BTBD7: variants seen among roughly 807,000 people sequenced by gnomAD.
BTBD7 encodes BTB/POZ domain-containing protein 7.
Under a neutral mutation model 99.9 loss-of-function variants are expected in BTBD7, and 38 were observed. That is an observed-to-expected ratio of 0.38 (90% CI 0.29 to 0.50). The LOEUF (loss-of-function observed/expected upper bound fraction) is 0.50, where lower values mean the gene tolerates loss of function less well. Ranked by LOEUF, BTBD7 falls within the 20% of genes least tolerant of loss-of-function variation. The probability of loss-of-function intolerance (pLI) is 0.93; values close to 1 mark genes in which losing one functional copy is unlikely to be tolerated. For synonymous variants in BTBD7, 520 were observed against 511.4 expected, an observed-to-expected ratio of 1.02 and a Z score of -0.23; for missense variants, 1,170 against 1,394.6, an observed-to-expected ratio of 0.84 and a Z score of 2.57.
chr14:93,255,486 T>C (rs1277824403), intron 6 of BTBD7: 1 of 152,068 alleles, frequency 6.6e-6, no homozygotes, highest in African/African-American at 2.4e-5. Flanking sequence ...TACATAAAAA[T>C]ACATACTTTG....
intron 1 of BTBD7, among the ~76,000 whole-genome samples, chr14:93,320,714 C>T (rs1566865645): frequency 6.6e-6 from 1 of 152,064 alleles, no homozygotes; most frequent in Non-Finnish European, 1.5e-5. Context: ...CATCATTATC[C>T]ACCATGTGAC....
intron 1 of BTBD7, among the ~76,000 whole-genome samples, chr14:93,305,880 T>C (rs772068856): frequency 1.3e-5 from 2 of 152,184 alleles, no homozygotes; most frequent in Non-Finnish European, 2.9e-5. Context: ...GGGCACCACA[T>C]AGCAAGAGGG....
intron 3 of BTBD7, 93 bp from the exon 4 acceptor site, chr14:93,264,086 G>C: frequency 8.8e-7 from 1 of 1,131,756 alleles, no homozygotes; most frequent in Non-Finnish European, 1.3e-6. Context: ...AGTCACAATA[G>C]CAAAAAAGAA....
chr14:93,288,260 A>G (rs2052804622), intron 3 of BTBD7: 2 of 497,872 alleles, frequency 4.0e-6, no homozygotes, highest in Non-Finnish European at 7.0e-6. Flanking sequence ...TCTCTGGTAT[A>G]TATTTCTAAA....
chr14:93,270,420 G>A (rs933862365), intron 3 of BTBD7, among the ~76,000 whole-genome samples: 4 of 152,058 alleles, frequency 2.6e-5, no homozygotes, highest in South Asian at 2.1e-4. Context: ...ACAGCCAAGC[G>A]TGGTGGTGGG....
chr14:93,277,902 A>C (rs1272089728), intron 3 of BTBD7, among the ~76,000 whole-genome samples: 1 of 152,252 alleles, frequency 6.6e-6, no homozygotes, highest in African/African-American at 2.4e-5. Context: ...TCACAGGTTT[A>C]TCAAAATGTT....
chr14:93,242,598 ATCG>A lies in BTBD7; in HGVS notation c.3071_3073del (p.Pro1024_Ile1025delinsLeu). On this transcript the variant is annotated inframe_deletion, in exon 11 of 11. Coordinates refer to ENST00000334746, the MANE Select transcript of BTBD7 (RefSeq NM_001002860.4). ...AGGTTGCTCAACGACATCCAGGTGTATCGGCTCATTCTTTTGTCTGTGTAGATG... is the reference window on the plus strand; with the variant it reads ...AGGTTGCTCAACGACATCCAGGTGTAGCTCATTCTTTTGTCTGTGTAGATG... 1.9e-6 allele frequency: 3 copies of A among 1,614,248 alleles called. No homozygotes were observed. Among genetic ancestry groups the A allele is most frequent in the Non-Finnish European group, 2.5e-6 (3 of 1,180,040 alleles).
At chr14:93,291,786 C>T (rs1239696691) in intron 3 of BTBD7, among the ~76,000 whole-genome samples, 2 of 44,930 alleles carry the variant, frequency 4.5e-5, no homozygotes, top group African/African-American at 3.7e-4. Flanking sequence ...TTTAGCTAAA[C>T]ACTAAAAAAA....
chr14:93,321,110 A>G (rs958145931), intron 1 of BTBD7, among the ~76,000 whole-genome samples: 4 of 152,218 alleles, frequency 2.6e-5, no homozygotes, highest in Admixed American at 2.0e-4. Context: ...ACTTTGTATA[A>G]TAAGTAGGCA....
chr14:93,281,159 C>A (rs2052714803), intron 3 of BTBD7, among the ~76,000 whole-genome samples: 1 of 151,426 alleles, frequency 6.6e-6, no homozygotes, highest in African/African-American at 2.4e-5. Flanking sequence ...CACCACTATG[C>A]CTGGCTCTTT....
intron 9 of BTBD7, among the ~76,000 whole-genome samples, chr14:93,248,272 T>C (rs559408588): frequency 5.3e-5 from 8 of 152,254 alleles, no homozygotes; most frequent in African/African-American, 1.9e-4. Flanking sequence ...TTAAACCCAG[T>C]TCTCATCCTA....
chr14:93,246,258 C>T lies in BTBD7; in HGVS notation c.2150G>A (p.Arg717His), dbSNP rs137891790. The change falls in exon 10 of 11, where the codon CGT becomes CAT. Residue 717 changes from arginine to histidine, a missense_variant. Transcript: ENST00000334746. The part of the protein sequence containing the change: ...QNPHKFFPDE[R>H]FGDESPLLTM... ...CAAGAGTGGACTTTCATCCCCAAAA[C>T]GTTCATCAGGAAAGAATTTGTGAGG... 8 of 1,466,346 alleles carry T rather than the reference C, an allele frequency of 5.5e-6. No homozygotes were observed. Among genetic ancestry groups the T allele is most frequent in the Non-Finnish European group, 6.3e-6 (7 of 1,105,586 alleles). The allele number at this position is 1,466,346 out of a possible 1,614,324, so 90.8% of individuals were successfully genotyped here. A position where few individuals can be genotyped will look rare whatever the true frequency, so the allele number is the denominator to read the frequency against.
chr14:93,242,784 C>T lies in BTBD7; in HGVS notation c.2888G>A (p.Arg963His), dbSNP rs201926967. Residue 963 changes from arginine (R) to histidine (H), a missense_variant, in exon 11 of 11, where the codon CGC becomes CAC. Physicochemically the swap from Arg to His is conservative, Grantham distance 29. This residue lies in a region of BTBD7 where 495 missense variants were observed against 525.9 expected (regional missense o/e 0.94). Coordinates refer to ENST00000334746, the MANE Select transcript of BTBD7 (RefSeq NM_001002860.4). ...CRPSTPALSR[R>H]TPSPSQGGYF... ...TCCACCTTGCGAAGGGGAAGGGGTGCGTCTGCTGAGAGCAGGAGTAGAAGG... is the reference window on the plus strand; with the variant it reads ...TCCACCTTGCGAAGGGGAAGGGGTGTGTCTGCTGAGAGCAGGAGTAGAAGG... The T allele has an allele frequency of 1.4e-5, 23 of 1,614,036 alleles. No individual in the cohort carries two copies. Among genetic ancestry groups the T allele is most frequent in the South Asian group, 1.2e-4 (11 of 91,082 alleles).
intron 3 of BTBD7, among the ~76,000 whole-genome samples, chr14:93,272,617 C>A (rs1409985693): frequency 6.6e-6 from 1 of 152,188 alleles, no homozygotes; most frequent in Non-Finnish European, 1.5e-5. Flanking sequence ...ATACAGAGCA[C>A]ACTATTGAAA....
At chr14:93,268,956 A>C (rs1417062498) in intron 3 of BTBD7, among the ~76,000 whole-genome samples, 1 of 151,958 alleles carries the variant, frequency 6.6e-6, no homozygotes, top group Non-Finnish European at 1.5e-5. Flanking sequence ...ACGGGGTTTC[A>C]CCATGTTGGC....
intron 1 of BTBD7, among the ~76,000 whole-genome samples, chr14:93,322,792 T>C (rs749605018): frequency 9.9e-5 from 15 of 152,220 alleles, no homozygotes; most frequent in Non-Finnish European, 2.2e-4. Context: ...TTTAAAGGTA[T>C]ACTCTATTCC....
intron 3 of BTBD7, among the ~76,000 whole-genome samples, chr14:93,268,269 G>A (rs2052563213): frequency 6.6e-6 from 1 of 152,078 alleles, no homozygotes; most frequent in Non-Finnish European, 1.5e-5. Context: ...CAAAGCCTTA[G>A]GTCAGGTGTT....
rs755827279 is a variant in BTBD7, at chr14:93,253,792, TA to T, written c.1609-3del. ...AGTACTAATCAAGCCTCTTTTCATC[TA>T]AAAAAAAATTTTTTTTTTAGATAGA... is the stretch of plus-strand genomic sequence containing the variant. On this transcript the variant is annotated splice_polypyrimidine_tract_variant and splice_region_variant and intron_variant, in intron 6 of 10. Transcript: ENST00000334746. 2.4e-4 allele frequency: 378 copies of T among 1,548,120 alleles called. No homozygotes were observed. Among genetic ancestry groups the T allele is most frequent in the South Asian group, 8.7e-4 (69 of 78,894 alleles).
chr14:93,326,079 GTTC>G (rs1365065561), intron 1 of BTBD7, among the ~76,000 whole-genome samples: 2 of 151,922 alleles, frequency 1.3e-5, no homozygotes, highest in Non-Finnish European at 2.9e-5. Flanking sequence ...CAGCGTGGTG[GTTC>G]TTAACTTTTG....
Sources: allele counts gnomAD v4.1 joint callset (sites outside exome capture counted in the v4.1 genomes callset), GRCh38; gene constraint gnomAD v4.1.1; regional missense constraint gnomAD v4.1.1; transcripts MANE v1.5; gene names NCBI Gene and HGNC (gene_info 2026-07-23, HGNC 2026-07-21).